EDA: variants seen among roughly 807,000 people sequenced by gnomAD.
EDA encodes ectodysplasin-A.
Under a neutral mutation model 23.6 loss-of-function variants are expected in EDA, and 2 were observed. The ratio of observed to expected loss-of-function variants is 0.08; its 90% CI spans 0.03 to 0.27. The LOEUF is 0.27. Among genes scored for constraint, EDA ranks in the 10% least tolerant of loss-of-function variants. The probability of loss-of-function intolerance (pLI) is 1.00; values close to 1 mark genes in which losing one functional copy is unlikely to be tolerated. For missense variants in EDA, 229 were observed against 324.2 expected (o/e 0.71, Z 2.26); for synonymous variants, 131 against 132.0 (o/e 0.99, Z 0.05).
At chrX:69,853,190 G>A (rs1488791066) in intron 1 of EDA, among the ~76,000 whole-genome samples, 1 of 111,057 alleles carries the variant, frequency 9.0e-6, no homozygotes, top group Non-Finnish European at 1.9e-5. Flanking sequence ...GTATGATGAA[G>A]GTATAGGAGA....
At chrX:69,671,821 C>G (rs1210334486) in intron 1 of EDA, among the ~76,000 whole-genome samples, 4 of 112,165 alleles carry the variant, frequency 3.6e-5, no homozygotes, top group Non-Finnish European at 5.6e-5. Context: ...GTAGACAAAA[C>G]AGTACTGGGA....
chrX:69,712,927 C>G (rs758125875), intron 1 of EDA, among the ~76,000 whole-genome samples: 3 of 110,297 alleles, frequency 2.7e-5, no homozygotes, highest in Non-Finnish European at 5.7e-5. Context: ...ATGGATGAAG[C>G]TGGAAACCAT....
intron 1 of EDA, among the ~76,000 whole-genome samples, chrX:69,856,269 G>GTGTT (rs2017249607): frequency 9.5e-6 from 1 of 105,381 alleles, no homozygotes; most frequent in African/African-American, 3.5e-5. Context: ...GTGTGTGTGT[G>GTGTT]TGTGTGTGTG....
At chrX:69,665,298 A>C (rs1209037029) in intron 1 of EDA, among the ~76,000 whole-genome samples, 2 of 111,802 alleles carry the variant, frequency 1.8e-5, no homozygotes, top group African/African-American at 6.5e-5. Flanking sequence ...TTTTCTGTGC[A>C]GAAGCTTTTT....
intron 1 of EDA, among the ~76,000 whole-genome samples, chrX:69,894,608 T>A (rs954802694): frequency 2.7e-5 from 3 of 111,519 alleles, no homozygotes; most frequent in Non-Finnish European, 5.7e-5. Context: ...ATTCTCATTG[T>A]AGAGATCTTT....
chrX:69,761,220 A>G (rs1244840668), intron 1 of EDA, among the ~76,000 whole-genome samples: 1 of 110,959 alleles, frequency 9.0e-6, no homozygotes, highest in Non-Finnish European at 1.9e-5. Flanking sequence ...AGGTATAGCT[A>G]AAGTAATGGT....
At chrX:70,023,873 C>A (rs1482908901) in intron 3 of EDA, among the ~76,000 whole-genome samples, 1 of 111,655 alleles carries the variant, frequency 9.0e-6, no homozygotes, top group African/African-American at 3.3e-5. Flanking sequence ...AGTACCCTGA[C>A]CATTTAGTCT....
intron 1 of EDA, among the ~76,000 whole-genome samples, chrX:69,694,080 T>C (rs751278399): frequency 2.7e-5 from 3 of 112,214 alleles, no homozygotes; most frequent in Non-Finnish European, 5.6e-5. Context: ...CTAATATTTT[T>C]TCATAATTGG....
At chrX:69,624,107 A>G (rs1176022750) in intron 1 of EDA, among the ~76,000 whole-genome samples, 1 of 111,879 alleles carries the variant, frequency 8.9e-6, no homozygotes, top group African/African-American at 3.2e-5. Context: ...AGAAGAACAC[A>G]TGGATGCATA....
intron 1 of EDA, among the ~76,000 whole-genome samples, chrX:69,652,994 G>GT (rs1047813408): frequency 9.0e-6 from 1 of 111,626 alleles, no homozygotes; most frequent in Admixed American, 9.6e-5. Flanking sequence ...CTTTAAAGTA[G>GT]TTTTTTCCAA....
chrX:69,647,177 T>A lies in EDA; in HGVS notation c.396+30473T>A, dbSNP rs771599202. Among the ~76,000 whole-genome samples the A allele has an allele frequency of 4.5e-5, 5 of 111,341 alleles. No homozygotes were observed. The South Asian group carries it at 1.9e-3, about 43-fold the overall frequency. On this transcript the variant is annotated intron_variant, in intron 1 of 7. Coordinates refer to ENST00000374552, the MANE Select transcript of EDA (RefSeq NM_001399.5). ...ATCTGATGATTATGTGTCTTGGGGT[T>A]GATCTTCTCATGGAGTATCTTACTG...
chrX:70,002,353 G>A (rs1332129891), intron 2 of EDA, among the ~76,000 whole-genome samples: 1 of 109,913 alleles, frequency 9.1e-6, no homozygotes, highest in Non-Finnish European at 1.9e-5. Context: ...ACTAATCAGA[G>A]GCCTTTGTGG....
At chrX:69,827,095 G>A (rs1186732372) in intron 1 of EDA, among the ~76,000 whole-genome samples, 2 of 111,721 alleles carry the variant, frequency 1.8e-5, no homozygotes, top group African/African-American at 6.5e-5. Flanking sequence ...GCTTCCCTTT[G>A]AGGGTAACCC....
intron 2 of EDA, among the ~76,000 whole-genome samples, chrX:69,992,178 A>G (rs1316408356): frequency 5.4e-5 from 6 of 111,596 alleles, no homozygotes; most frequent in Admixed American, 4.7e-4. Flanking sequence ...TATATGAGAG[A>G]CAGAGGGAAA....
chrX:69,898,033 G>A (rs2018044566), intron 1 of EDA, among the ~76,000 whole-genome samples: 1 of 111,850 alleles, frequency 8.9e-6, no homozygotes, highest in South Asian at 3.7e-4. Flanking sequence ...GTGAAAGTAA[G>A]TACAGGATCA....
intron 1 of EDA, among the ~76,000 whole-genome samples, chrX:69,787,839 G>C (rs1214276260): frequency 9.0e-6 from 1 of 110,797 alleles, no homozygotes. Context: ...ATGTTGGCCT[G>C]CCTTGCTAGA....
intron 2 of EDA, among the ~76,000 whole-genome samples, chrX:69,971,567 C>G (rs896660879): frequency 9.0e-6 from 1 of 111,454 alleles, no homozygotes. Flanking sequence ...GCCTTTTTAC[C>G]TCCTCACTTT....
Position 70,035,576 on chromosome X carries a change from G to T in EDA, c.1143G>T (p.Gly381=). 1.7e-6 allele frequency: 2 copies of T among 1,208,161 alleles called. No homozygotes were observed. The highest frequency in any genetic ancestry group is 2.2e-6 in the Non-Finnish European group (2 of 894,765). The change falls in exon 8 of 8, where the codon GGG becomes GGT. Residue 381 remains glycine (G), a synonymous_variant. Coordinates refer to ENST00000374552, the MANE Select transcript of EDA (RefSeq NM_001399.5). The part of the protein sequence containing the change: ...INMSKHTTFF[G]AIRLGEAPAS ...TGAGCAAGCACACCACGTTCTTTGGGGCCATCAGGCTGGGTGAAGCCCCTG... is the reference window on the plus strand; with the variant it reads ...TGAGCAAGCACACCACGTTCTTTGGTGCCATCAGGCTGGGTGAAGCCCCTG...
intron 1 of EDA, among the ~76,000 whole-genome samples, chrX:69,723,943 T>C (rs1162926439): frequency 8.9e-6 from 1 of 112,073 alleles, no homozygotes; most frequent in African/African-American, 3.2e-5. Flanking sequence ...AGGGTCTTGC[T>C]AACTCTAACC....
Sources: gnomAD v4.1 joint callset for allele counts (sites outside exome capture counted in the v4.1 genomes callset) on GRCh38, gnomAD v4.1.1 for gene constraint, MANE v1.5 for transcripts, NCBI Gene and HGNC (gene_info 2026-07-23, HGNC 2026-07-21) for gene names.